Variants in RFX3 observed in about 807,000 individuals in gnomAD.
RFX3 encodes transcription factor RFX3.
RFX3 carries 14 observed loss-of-function variants against 98.6 expected under a neutral mutation model. The observed-to-expected ratio is 0.14, with a 90% CI of 0.09 to 0.22. The LOEUF is 0.22. Among genes scored for constraint, RFX3 ranks in the 10% least tolerant of loss-of-function variants. The pLI, the probability that RFX3 is intolerant of heterozygous loss-of-function variation, is 1.00. For missense variants in RFX3, 639 were observed against 926.9 expected (o/e 0.69, Z 4.03); for synonymous variants, 383 against 328.4 (o/e 1.17, Z -1.80).
chr9:3,288,379 G>C (rs1826914990), intron 6 of RFX3, 129 bp from the exon 7 acceptor site: 1 of 693,666 alleles, frequency 1.4e-6, no homozygotes, highest in Non-Finnish European at 2.5e-6. Context: ...ACATATTTAT[G>C]ATTAACCTGT....
intron 1 of RFX3, among the ~76,000 whole-genome samples, chr9:3,518,147 C>A (rs1450337630): frequency 3.3e-5 from 5 of 152,122 alleles, no homozygotes; most frequent in Non-Finnish European, 7.4e-5. Context: ...GCAGGCTATA[C>A]CATCTAGGTG....
intron 1 of RFX3, among the ~76,000 whole-genome samples, chr9:3,509,829 A>G (rs376886425): frequency 3.9e-5 from 6 of 152,066 alleles, no homozygotes; most frequent in African/African-American, 1.4e-4. Flanking sequence ...AGCCCTAAGA[A>G]CATTTGCGGA....
chr9:3,276,807 A>G (rs964280646), intron 8 of RFX3, among the ~76,000 whole-genome samples: 1 of 152,068 alleles, frequency 6.6e-6, no homozygotes, highest in African/African-American at 2.4e-5. Flanking sequence ...CCCTTTGGCT[A>G]TGGCAAAAAT....
intron 4 of RFX3, among the ~76,000 whole-genome samples, chr9:3,304,738 G>T (rs1353520553): frequency 1.3e-5 from 2 of 152,056 alleles, no homozygotes; most frequent in African/African-American, 4.8e-5. Context: ...ATGATTGTGA[G>T]GTCTCCCCAG....
intron 1 of RFX3, among the ~76,000 whole-genome samples, chr9:3,456,194 A>T (rs576876139): frequency 6.6e-6 from 1 of 152,180 alleles, no homozygotes; most frequent in Non-Finnish European, 1.5e-5. Flanking sequence ...ATTGGCCCTT[A>T]AGTTTCTACA....
At chr9:3,304,459 T>A (rs1040992600) in intron 4 of RFX3, among the ~76,000 whole-genome samples, 2 of 152,042 alleles carry the variant, frequency 1.3e-5, no homozygotes, top group Non-Finnish European at 2.9e-5. Flanking sequence ...CACATGGTCA[T>A]ATATATGAAT....
chr9:3,301,255 GAAA>G (rs1210379812), intron 5 of RFX3, among the ~76,000 whole-genome samples: 1 of 151,726 alleles, frequency 6.6e-6, no homozygotes, highest in Admixed American at 6.6e-5. Context: ...TTTAAATATT[GAAA>G]ATCACTATTA....
At position 3,346,671 on chromosome 9, in the gene RFX3, C is replaced by A. The variant is rs765019488; in HGVS notation, c.211G>T (p.Ala71Ser). The change falls in exon 3 of 17, where the codon GCA (alanine) becomes TCA (serine). Residue 71 changes from alanine to serine, a missense_variant. Physicochemically the swap from Ala to Ser is moderately conservative, Grantham distance 99. Around this residue, in one of 9 missense-constraint regions of RFX3, gnomAD observed 210 missense variants for 197.7 expected, o/e 1.06. Transcript: ENST00000617270. ...EGSDTVYTNG[A>S]IRTTTYPYTE... ...GACTTCCACATATAAACTTACATTGCTCCATTGGTATAGACAGTATCGCTT... is the reference window on the plus strand; with the variant it reads ...GACTTCCACATATAAACTTACATTGATCCATTGGTATAGACAGTATCGCTT... 4 of 1,599,876 alleles carry A rather than the reference C, an allele frequency of 2.5e-6. No individual in the cohort carries two copies. Among genetic ancestry groups the A allele is most frequent in the Admixed American group, 1.7e-5 (1 of 59,974 alleles).
intron 5 of RFX3, 62 bp from the exon 6 acceptor site, chr9:3,293,320 A>T (rs559806658): frequency 8.0e-7 from 1 of 1,247,374 alleles, no homozygotes; most frequent in African/African-American, 1.5e-5. Flanking sequence ...TTTCTACAAG[A>T]CACTGCAAAT....
chr9:3,361,306 G>A (rs1033680482), intron 2 of RFX3, among the ~76,000 whole-genome samples: 1 of 152,132 alleles, frequency 6.6e-6, no homozygotes, highest in African/African-American at 2.4e-5. Flanking sequence ...ATAGAACTCA[G>A]TCGGTATTTC....
At chr9:3,271,260 A>G (rs1824391430) in intron 9 of RFX3, 142 bp from the exon 10 acceptor site, 4 of 589,394 alleles carry the variant, frequency 6.8e-6, no homozygotes, top group South Asian at 3.0e-5. Context: ...ACTAAATTTT[A>G]CCAAAGGAAG....
chr9:3,270,825 TA>T (rs1479640961), intron 10 of RFX3, 177 bp downstream of exon 10: 17 of 823,690 alleles, frequency 2.1e-5, no homozygotes, highest in Non-Finnish European at 3.2e-5. Context: ...GGGAGCTATA[TA>T]CACACACTGA....
chr9:3,349,395 G>A (rs3012674), intron 2 of RFX3, among the ~76,000 whole-genome samples: 3,713 of 151,886 alleles, frequency 0.024, 143 homozygotes, highest in African/African-American at 0.082. Flanking sequence ...AGCTTGATAC[G>A]CAGTTAAATT....
rs1270938787 is a variant in RFX3, at chr9:3,394,829, T to G, written c.117+643A>C. 3 of 985,172 alleles carry G rather than the reference T, an allele frequency of 3.0e-6. No individual in the cohort carries two copies. The African/African-American group carries it at 5.2e-5, about 17-fold the overall frequency. The allele number at this position is 985,172 out of a possible 1,614,324, so 61.0% of individuals were successfully genotyped here. A position where few individuals can be genotyped will look rare whatever the true frequency, so the allele number is the denominator to read the frequency against. On this transcript the variant is annotated intron_variant, in intron 2 of 16. Transcript: ENST00000617270. The stretch of plus-strand genomic sequence containing the variant: ...CAGGCCAGTGTGTTCACAATCCACA[T>G]ACATGAACAGCATTACTTTGTCAGT...
intron 5 of RFX3, among the ~76,000 whole-genome samples, chr9:3,294,517 T>C (rs1827767822): frequency 2.0e-5 from 3 of 152,110 alleles, no homozygotes; most frequent in African/African-American, 7.2e-5. Flanking sequence ...CTAAAAATAA[T>C]ATGGACATTT....
At chr9:3,277,965 CA>C (rs1563847975) in intron 7 of RFX3, among the ~76,000 whole-genome samples, 1 of 151,928 alleles carries the variant, frequency 6.6e-6, no homozygotes, top group African/African-American at 2.4e-5. Context: ...TGCATCTCAA[CA>C]CATTTATCTC....
intron 3 of RFX3, among the ~76,000 whole-genome samples, 181 bp from the exon 4 acceptor site, chr9:3,330,698 G>A (rs1481701524): frequency 6.6e-6 from 1 of 152,050 alleles, no homozygotes; most frequent in African/African-American, 2.4e-5. Context: ...AAATTAAGGG[G>A]CCACTCATTT....
At chr9:3,494,795 G>C (rs1022120443) in intron 1 of RFX3, among the ~76,000 whole-genome samples, 4 of 152,042 alleles carry the variant, frequency 2.6e-5, no homozygotes, top group African/African-American at 7.2e-5. Context: ...CTCACATCTA[G>C]TTCTGCACTC....
chr9:3,385,939 G>C (rs1564024201), intron 2 of RFX3, among the ~76,000 whole-genome samples: 1 of 151,994 alleles, frequency 6.6e-6, no homozygotes, highest in Non-Finnish European at 1.5e-5. Flanking sequence ...TAAAATGATG[G>C]AGGTATCTTT....
Sources: allele counts gnomAD v4.1 joint callset (sites outside exome capture counted in the v4.1 genomes callset), GRCh38; gene constraint gnomAD v4.1.1; regional missense constraint gnomAD v4.1.1; transcripts MANE v1.5; gene names NCBI Gene and HGNC (gene_info 2026-07-23, HGNC 2026-07-21).